SORBS3: variants seen among roughly 807,000 people sequenced by gnomAD.
SORBS3 encodes the protein vinexin.
In SORBS3, 69 loss-of-function variants were observed where a neutral mutation model predicts 98.0. That is an observed-to-expected ratio of 0.70 (90% CI 0.58 to 0.86). SORBS3 has a LOEUF of 0.86. Among genes scored for constraint, SORBS3 ranks in the 40% least tolerant of loss-of-function variants. The pLI is 0.00. For missense variants in SORBS3, 954 were observed against 908.5 expected (o/e 1.05, Z -0.64); for synonymous variants, 394 against 355.4 (o/e 1.11, Z -1.22).
chr8:22,553,044 C>T (rs1840115100), intron 1 of SORBS3, among the ~76,000 whole-genome samples: 1 of 152,112 alleles, frequency 6.6e-6, no homozygotes, highest in African/African-American at 2.4e-5. Context: ...GCCTTGGCTA[C>T]ACCCTCGCTA....
chr8:22,554,325 G>A lies in SORBS3; in HGVS notation c.-55-127G>A. 1.0e-6 allele frequency: 1 copy of A among 992,584 alleles called. No individual in the cohort carries two copies. The highest frequency in any genetic ancestry group is 1.4e-6 in the Non-Finnish European group (1 of 705,806). 61.5% of individuals were successfully genotyped at this position (992,584 alleles called of 1,614,324 possible). A position where few individuals can be genotyped will look rare whatever the true frequency, so the allele number is the denominator to read the frequency against. ...CGTGGCCTGTTTCCTGGGTCCTTGA[G>A]CTAGTACCCAGCTGGTCCTGACCCC... On this transcript the variant is annotated intron_variant, in intron 1 of 20. Transcript: ENST00000240123. This position sits in a 1 kb window ranked among gnomAD's most constrained non-coding sequence, Gnocchi z 6.5.
At chr8:22,565,668 C>G in intron 11 of SORBS3, 158 bp from the exon 12 acceptor site, 2 of 1,208,872 alleles carry the variant, frequency 1.7e-6, no homozygotes, top group Non-Finnish European at 2.1e-6. Context: ...CCCTAGTTCC[C>G]GCCCCGCTCC....
intron 16 of SORBS3, among the ~76,000 whole-genome samples, chr8:22,568,665 A>C (rs1275212400): frequency 6.6e-6 from 1 of 152,214 alleles, no homozygotes; most frequent in African/African-American, 2.4e-5. Context: ...GGCAGAGTGA[A>C]GCAAAGAGAA....
At chr8:22,550,003 A>G, upstream of SORBS3, 1 of 985,370 alleles carries the variant, frequency 1.0e-6, no homozygotes, top group Non-Finnish European at 1.2e-6. Flanking sequence ...ATCTTGGGAG[A>G]AGAAGGAAGA....
chr8:22,569,736 GGCTTTTTTTT>G (rs772470466), intron 17 of SORBS3, among the ~76,000 whole-genome samples: 4 of 152,044 alleles, frequency 2.6e-5, no homozygotes, highest in Non-Finnish European at 4.4e-5. Context: ...TTAGTGTAGT[GGCTTTTTTTT>G]GCTTTTTTTT....
intron 11 of SORBS3, 128 bp downstream of exon 11, chr8:22,565,482 G>A (rs1027004226): frequency 5.5e-6 from 4 of 729,956 alleles, no homozygotes; most frequent in South Asian, 3.8e-5. Context: ...GGCGCGCACC[G>A]GCCTCGGGCC....
chr8:22,573,419 T>C (rs1840641023), intron 20 of SORBS3: 1 of 455,558 alleles, frequency 2.2e-6, no homozygotes, highest in Non-Finnish European at 4.4e-6. Flanking sequence ...CTGTGCCCTT[T>C]CCGGTATGGC....
intron 1 of SORBS3, among the ~76,000 whole-genome samples, chr8:22,552,282 C>T (rs1840096940): frequency 6.6e-6 from 1 of 152,046 alleles, no homozygotes; most frequent in South Asian, 2.1e-4. Flanking sequence ...AGCAGGGAGG[C>T]CAGTGCCCAC....
At chr8:22,570,430 G>GGTAGC (rs1840543522) in intron 17 of SORBS3, among the ~76,000 whole-genome samples, 1 of 152,192 alleles carries the variant, frequency 6.6e-6, no homozygotes, top group African/African-American at 2.4e-5. Context: ...GGGCAGTAGT[G>GGTAGC]GTAGCACCTG....
At position 22,554,399 on chromosome 8, in the gene SORBS3, G is replaced by T; in HGVS notation, c.-55-53G>T. On this transcript the variant is annotated intron_variant, in intron 1 of 20. Coordinates refer to ENST00000240123, the MANE Select transcript of SORBS3 (RefSeq NM_005775.5). This position sits in a 1 kb window ranked among gnomAD's most constrained non-coding sequence, Gnocchi z 6.5. ...CCTATCCCAGGGTCGAGCCAAGAGG[G>T]CATGGGCAGCCTAGCCTAGCAGGGC... The T allele has an allele frequency of 6.7e-7, 1 of 1,499,684 alleles. No individual in the cohort carries two copies. 92.9% of individuals were successfully genotyped at this position (1,499,684 alleles called of 1,614,324 possible).
In SORBS3 at chr8:22,566,329, T is replaced by A. The variant is rs1316188109; in HGVS notation, c.951-16T>A. The A allele has an allele frequency of 6.2e-7, 1 of 1,611,322 alleles. No homozygotes were observed. The highest frequency in any genetic ancestry group is 8.5e-7 in the Non-Finnish European group (1 of 1,178,952). On this transcript the variant is annotated splice_polypyrimidine_tract_variant and intron_variant, in intron 12 of 20. Coordinates refer to ENST00000240123, the MANE Select transcript of SORBS3 (RefSeq NM_005775.5). The stretch of plus-strand genomic sequence containing the variant: ...GGAGCCCCAGGCTGGAGGCTCAGTC[T>A]CTGTGCCCCGTGCAGCCCGGCCTCA...
intron 11 of SORBS3, 143 bp downstream of exon 11, chr8:22,565,497 T>C (rs953831026): frequency 1.7e-5 from 11 of 658,914 alleles, no homozygotes; most frequent in Middle Eastern, 4.9e-4. Flanking sequence ...CGGGCCCTCC[T>C]GGGCGCTGGC....
At position 22,566,864 on chromosome 8, in the gene SORBS3, C is replaced by T. The variant is rs1304698925; in HGVS notation, c.1186C>T (p.Pro396Ser). The change falls in exon 15 of 21, where the codon CCC becomes TCC. Residue 396 changes from proline (P) to serine (S), a missense_variant. By Grantham distance (74) the Pro-to-Ser change is moderately conservative (BLOSUM62 -1). Coordinates refer to ENST00000240123, the MANE Select transcript of SORBS3 (RefSeq NM_005775.5). ...CAAGTTTGACTTCCAGGCGCAGTCC[C>T]CCAAGTAAGCGCCCTCCTCCCCCTC... ...RLKFDFQAQSPKELTLQKGDI... is the reference protein window; with the variant it reads ...RLKFDFQAQSSKELTLQKGDI... 1.2e-6 allele frequency: 2 copies of T among 1,610,370 alleles called. No individual in the cohort carries two copies. The highest frequency in any genetic ancestry group is 1.7e-5 in the Admixed American group (1 of 59,552).
chr8:22,561,957 G>A (rs1840305375), intron 7 of SORBS3, 26 bp downstream of exon 7: 1 of 1,611,008 alleles, frequency 6.2e-7, no homozygotes, highest in Non-Finnish European at 8.5e-7. Context: ...CGGGGCCGAG[G>A]GCTGCGGAGG....
chr8:22,557,686 G>A (rs898632589), intron 4 of SORBS3, among the ~76,000 whole-genome samples: 7 of 152,048 alleles, frequency 4.6e-5, no homozygotes, highest in Admixed American at 4.6e-4. Context: ...GGTGGTGCAC[G>A]ACTGTAGTTC....
Position 22,561,816 on chromosome 8 carries a change from G to A in SORBS3, c.518-49G>A, listed in dbSNP as rs1840301255. On this transcript the variant is annotated intron_variant, in intron 6 of 20. Coordinates refer to ENST00000240123, the MANE Select transcript of SORBS3 (RefSeq NM_005775.5). ...CCAGGCACCCTCAGCCCCAGTCACG[G>A]CCTGTCTCCTCCCACCTTCAATGCT... The A allele has an allele frequency of 2.0e-6, 3 of 1,536,182 alleles. No homozygotes were observed. The East Asian group carries it at 6.7e-5, about 35-fold the overall frequency.
rs777835696 is a variant in SORBS3 at position 22,558,201 on chromosome 8, C to T, written c.478+9C>T. 1 of 1,613,544 alleles carries T rather than the reference C, an allele frequency of 6.2e-7. No individual in the cohort carries two copies. Among genetic ancestry groups the T allele is most frequent in the Non-Finnish European group, 8.5e-7 (1 of 1,179,592 alleles). ...TCACCGGAAAATGCCAGGTAAGATA[C>T]CCTTCCAGGGCCCTCTCCCTGCCAA... On this transcript the variant is annotated intron_variant, in intron 5 of 20. Coordinates refer to ENST00000240123, the MANE Select transcript of SORBS3 (RefSeq NM_005775.5).
At chr8:22,549,663 A>T (rs545471331), upstream of SORBS3, among the ~76,000 whole-genome samples, 10 of 152,326 alleles carry the variant, frequency 6.6e-5, no homozygotes, top group African/African-American at 2.4e-4. Context: ...GGCAGAGCCC[A>T]GGCCTAAGTA....
chr8:22,561,875 T>A lies in SORBS3; in HGVS notation c.528T>A (p.His176Gln). The change falls in exon 7 of 21, where the codon CAT becomes CAA. Residue 176 changes from histidine (H) to glutamine (Q), a missense_variant. Physicochemically the swap from His to Gln is conservative, Grantham distance 24. Coordinates refer to ENST00000240123, the MANE Select transcript of SORBS3 (RefSeq NM_005775.5). ...GTACCTCCTCTGCAGACCCCAGGCATCTAGGAGCCCAGCAAAGACCTGCCC... is the reference window on the plus strand; with the variant it reads ...GTACCTCCTCTGCAGACCCCAGGCAACTAGGAGCCCAGCAAAGACCTGCCC... ...TFEEPPRDPR[H>Q]LGAQQRPAHR... The A allele has an allele frequency of 6.2e-7, 1 of 1,614,120 alleles. No homozygotes were observed. The highest frequency in any genetic ancestry group is 8.5e-7 in the Non-Finnish European group (1 of 1,179,998).
Sources: allele counts gnomAD v4.1 joint callset (sites outside exome capture counted in the v4.1 genomes callset), GRCh38; gene constraint gnomAD v4.1.1; non-coding constraint Gnocchi (gnomAD v3.1); transcripts MANE v1.5; gene names NCBI Gene and HGNC (gene_info 2026-07-23, HGNC 2026-07-21).